The following C9 variants were observed in gnomAD, a reference collection of about 807,000 sequenced individuals.
C9 encodes the protein complement C9, also known as complement component C9.
C9 carries 63 observed loss-of-function variants against 65.4 expected under a neutral mutation model. That is an observed-to-expected ratio of 0.96 (90% CI 0.79 to 1.19). The LOEUF (loss-of-function observed/expected upper bound fraction) is 1.19. Ranked by LOEUF, C9 falls within the 50% of genes most tolerant of loss-of-function variation. The probability of loss-of-function intolerance (pLI) is 0.00; values close to 1 mark genes in which losing one functional copy is unlikely to be tolerated. For synonymous variants in C9, 229 were observed against 227.9 expected (o/e 1.00, Z -0.04); for missense variants, 744 against 670.1 (o/e 1.11, Z -1.22).
intron 1 of C9, among the ~76,000 whole-genome samples, chr5:39,343,579 G>T (rs1475180499): frequency 6.6e-6 from 1 of 152,254 alleles, no homozygotes. Context: ...GCCTGCCTCT[G>T]TAGAGTCCAC....
chr5:39,285,776 A>G (rs994895941), intron 10 of C9, among the ~76,000 whole-genome samples: 1 of 151,560 alleles, frequency 6.6e-6, no homozygotes, highest in Middle Eastern at 3.4e-3. Flanking sequence ...TTGGTCTAGG[A>G]GTAGAAACGC....
intron 1 of C9, among the ~76,000 whole-genome samples, chr5:39,351,253 TA>T (rs912697907): frequency 3.5e-4 from 54 of 152,198 alleles, no homozygotes; most frequent in African/African-American, 1.2e-3. Context: ...AAATCATTTT[TA>T]CCTCCTAGAT....
rs1287744801 is a variant in C9 at position 39,330,273 on chromosome 5, C to T, written c.615+1403G>A. On this transcript the variant is annotated intron_variant, in intron 5 of 10. Coordinates refer to ENST00000263408, the MANE Select transcript of C9 (RefSeq NM_001737.5). The stretch of plus-strand genomic sequence containing the variant: ...CATTGTGATTTATATCACACCACAT[C>T]ACCTTTCTAAAATACCAAACATTCT... 2.0e-5 allele frequency among the ~76,000 whole-genome samples: 3 copies of T among 152,204 alleles called. No individual in the cohort carries two copies. The East Asian group carries it at 5.8e-4, about 29-fold the overall frequency.
chr5:39,356,940 T>C (rs1342273867), intron 1 of C9, among the ~76,000 whole-genome samples: 1 of 152,200 alleles, frequency 6.6e-6, no homozygotes, highest in East Asian at 1.9e-4. Context: ...GATTCTTAGA[T>C]GAAATGTGTT....
chr5:39,322,075 T>G (rs1184945345), intron 5 of C9, among the ~76,000 whole-genome samples: 1 of 152,018 alleles, frequency 6.6e-6, no homozygotes, highest in African/African-American at 2.4e-5. Flanking sequence ...ACATGGAACA[T>G]TCTCGTGGAC....
chr5:39,294,681 C>G (rs1338150730), intron 9 of C9, among the ~76,000 whole-genome samples: 1 of 151,508 alleles, frequency 6.6e-6, no homozygotes, highest in Non-Finnish European at 1.5e-5. Flanking sequence ...TTTTTAAAGA[C>G]TGAAATGAAG....
At chr5:39,348,089 C>T (rs1754244720) in intron 1 of C9, among the ~76,000 whole-genome samples, 1 of 152,096 alleles carries the variant, frequency 6.6e-6, no homozygotes, top group Admixed American at 6.6e-5. Context: ...CCAGGCAATA[C>T]CATTCAGGAC....
intron 5 of C9, among the ~76,000 whole-genome samples, chr5:39,327,389 G>A (rs1266309590): frequency 6.6e-6 from 1 of 152,196 alleles, no homozygotes; most frequent in Admixed American, 6.5e-5. Context: ...GGAGCTTAAG[G>A]CAGTGGCAGT....
chr5:39,322,517 A>G (rs1299947896), intron 5 of C9, among the ~76,000 whole-genome samples: 1 of 152,128 alleles, frequency 6.6e-6, no homozygotes, highest in African/African-American at 2.4e-5. Flanking sequence ...AATAGGTAGT[A>G]GAAAAACAAC....
At chr5:39,326,586 T>C (rs1753750732) in intron 5 of C9, among the ~76,000 whole-genome samples, 1 of 152,224 alleles carries the variant, frequency 6.6e-6, no homozygotes, top group Admixed American at 6.5e-5. Context: ...AGTGTATTTA[T>C]TATGGCACAT....
intron 9 of C9, among the ~76,000 whole-genome samples, chr5:39,301,019 G>A (rs957792550): frequency 1.3e-5 from 2 of 151,962 alleles, no homozygotes; most frequent in African/African-American, 4.8e-5. Context: ...GCTGTTGAAG[G>A]ATAATACATA....
intron 4 of C9, among the ~76,000 whole-genome samples, chr5:39,333,696 C>T (rs1434884184): frequency 6.8e-6 from 1 of 146,858 alleles, no homozygotes; most frequent in African/African-American, 2.5e-5. Context: ...CATCTTGGCT[C>T]ACTGCAGCCT....
intron 1 of C9, among the ~76,000 whole-genome samples, chr5:39,360,336 A>G (rs994267238): frequency 2.6e-5 from 4 of 152,126 alleles, no homozygotes; most frequent in Admixed American, 2.6e-4. Flanking sequence ...CTCAGATTAG[A>G]CAGCAGCTAC....
At chr5:39,341,987 G>T in intron 2 of C9, 104 bp downstream of exon 2, 2 of 794,578 alleles carry the variant, frequency 2.5e-6, no homozygotes, top group African/African-American at 1.7e-5. Context: ...TCTGGGTTTG[G>T]AACTCAGTTG....
chr5:39,330,527 C>T lies in C9; in HGVS notation c.615+1149G>A, dbSNP rs182852282. Among the ~76,000 whole-genome samples, 5 of 152,286 alleles carry T rather than the reference C, an allele frequency of 3.3e-5. No homozygotes were observed. In the East Asian group the frequency reaches 5.8e-4, roughly 18 times the overall value. On this transcript the variant is annotated intron_variant, in intron 5 of 10. Transcript: ENST00000263408. ...CAAACTAAATCAACACAACAATAGC[C>T]CTTCTCCCATCAGCAATGACCAAGG...
intron 5 of C9, among the ~76,000 whole-genome samples, chr5:39,323,655 A>G (rs778933859): frequency 6.6e-6 from 1 of 151,912 alleles, no homozygotes; most frequent in African/African-American, 2.4e-5. Flanking sequence ...CAAATTAGGT[A>G]TAGAAGGAAT....
In C9 at chr5:39,285,094, T is replaced by G. The variant is rs776408640; in HGVS notation, c.*105A>C. On this transcript the variant is annotated 3_prime_UTR_variant, in exon 11 of 11. Coordinates refer to ENST00000263408, the MANE Select transcript of C9 (RefSeq NM_001737.5). ...ACTTCAGAGGTTGGTAGGATTTTCA[T>G]GAAGCATGTTGCTATTTACTTGGCA... 11 of 933,032 alleles carry G rather than the reference T, an allele frequency of 1.2e-5. No homozygotes were observed. In the South Asian group the frequency reaches 1.2e-4, roughly 10 times the overall value. 57.8% of individuals were successfully genotyped at this position (933,032 alleles called of 1,614,324 possible). A position where few individuals can be genotyped will look rare whatever the true frequency, so the allele number is the denominator to read the frequency against.
At chr5:39,289,238 T>A (rs1171952468) in intron 9 of C9, among the ~76,000 whole-genome samples, 1 of 151,624 alleles carries the variant, frequency 6.6e-6, no homozygotes, top group African/African-American at 2.4e-5. Context: ...AACAGGTATA[T>A]GTGCTTTAAA....
intron 1 of C9, among the ~76,000 whole-genome samples, chr5:39,362,379 A>G (rs533239831): frequency 6.6e-6 from 1 of 152,352 alleles, no homozygotes; most frequent in South Asian, 2.1e-4. Flanking sequence ...TGATAGACAC[A>G]TAGACTGAAA....
Sources: gnomAD v4.1 joint callset for allele counts (sites outside exome capture counted in the v4.1 genomes callset) on GRCh38, gnomAD v4.1.1 for gene constraint, MANE v1.5 for transcripts, NCBI Gene and HGNC (gene_info 2026-07-23, HGNC 2026-07-21) for gene names.